CDH19: variants seen among roughly 807,000 people sequenced by gnomAD.
CDH19 encodes the protein cadherin 19.
CDH19 carries 67 observed loss-of-function variants against 64.2 expected under a neutral mutation model. The observed-to-expected ratio is 1.04, with a 90% CI of 0.86 to 1.28. The LOEUF is 1.28. Among genes scored for constraint, CDH19 ranks in the 50% most tolerant of loss-of-function variants. The pLI, the probability that CDH19 is intolerant of heterozygous loss-of-function variation, is 0.00. For missense variants in CDH19, 1,030 were observed against 929.0 expected, an observed-to-expected ratio of 1.11 and a Z score of -1.41; for synonymous variants, 346 against 319.3, an observed-to-expected ratio of 1.08 and a Z score of -0.89.
At chr18:66,581,120 A>G (rs987005336) in intron 1 of CDH19, among the ~76,000 whole-genome samples, 1 of 152,154 alleles carries the variant, frequency 6.6e-6, no homozygotes, top group African/African-American at 2.4e-5. Flanking sequence ...TTCAGTATGA[A>G]GAAATGCTAA....
chr18:66,538,978 C>CCA (rs1045574383), intron 7 of CDH19, among the ~76,000 whole-genome samples: 8 of 152,204 alleles, frequency 5.3e-5, no homozygotes, highest in African/African-American at 1.9e-4. Context: ...CTTAACAAGG[C>CCA]CACATTCGGG....
chr18:66,528,473 C>G (rs1040204085), intron 9 of CDH19, among the ~76,000 whole-genome samples: 1 of 152,234 alleles, frequency 6.6e-6, no homozygotes, highest in East Asian at 1.9e-4. Context: ...TTCCCAAATC[C>G]TTGGGTTCTA....
chr18:66,588,608 ATATATC>A lies in CDH19; in HGVS notation c.-113+15340_-113+15345del, dbSNP rs553829028. 3.7e-4 allele frequency among the ~76,000 whole-genome samples: 49 copies of A among 133,410 alleles called. 6 individuals carry two copies. The highest frequency in any genetic ancestry group is 8.9e-4 in the Admixed American group (12 of 13,524). The allele number at this position is 133,410 out of a possible 152,430, so 87.5% of individuals were successfully genotyped here. ...GATCTTACTCATTTTTACTAATCAT[ATATATC>A]TATATCTATATCTATATATATATAG... On this transcript the variant is annotated intron_variant, in intron 1 of 11. Coordinates refer to ENST00000262150, the MANE Select transcript of CDH19 (RefSeq NM_021153.4).
chr18:66,540,777 T>C (rs1035261507), intron 7 of CDH19, among the ~76,000 whole-genome samples: 1 of 152,198 alleles, frequency 6.6e-6, no homozygotes, highest in South Asian at 2.1e-4. Flanking sequence ...CACCTTGTAA[T>C]ACCATTTCAC....
At chr18:66,561,866 T>G (rs1301590796) in intron 3 of CDH19, among the ~76,000 whole-genome samples, 1 of 152,128 alleles carries the variant, frequency 6.6e-6, no homozygotes, top group Non-Finnish European at 1.5e-5. Flanking sequence ...TGTGGACAGT[T>G]GACATTGTTT....
chr18:66,590,390 T>C (rs1988707952), intron 1 of CDH19, among the ~76,000 whole-genome samples: 1 of 151,948 alleles, frequency 6.6e-6, no homozygotes, highest in African/African-American at 2.4e-5. Flanking sequence ...ACTGAGCATA[T>C]TGAAGTTAAG....
At chr18:66,576,705 T>G (rs2144592577) in intron 1 of CDH19, among the ~76,000 whole-genome samples, 1 of 151,644 alleles carries the variant, frequency 6.6e-6, no homozygotes, top group East Asian at 1.9e-4. Flanking sequence ...TTCATTTCTA[T>G]TCAACATTAT....
In CDH19 at chr18:66,502,680, A is replaced by C. The variant is rs1160452458; in HGVS notation, c.*2132T>G. ...TTCATGTCAATGTGATAGAAATGTAAATGTTCTCTCGATTTGTGCATTTCT... is the reference window on the plus strand; with the variant it reads ...TTCATGTCAATGTGATAGAAATGTACATGTTCTCTCGATTTGTGCATTTCT... On this transcript the variant is annotated 3_prime_UTR_variant, in exon 12 of 12. Transcript: ENST00000262150. 6.6e-6 allele frequency: 1 copy of C among 151,864 alleles called. No individual in the cohort carries two copies. Among genetic ancestry groups the C allele is most frequent in the East Asian group, 1.9e-4 (1 of 5,168 alleles). The allele number at this position is 151,864 out of a possible 1,614,324, so 9.4% of individuals were successfully genotyped here.
Position 66,528,973 on chromosome 18 carries a change from T to C in CDH19, c.1458+872A>G, listed in dbSNP as rs778844922. Among the ~76,000 whole-genome samples the C allele has an allele frequency of 5.2e-4, 79 of 152,112 alleles. 1 individual carries two copies. Among genetic ancestry groups the C allele is most frequent in the Non-Finnish European group, 9.4e-4 (64 of 67,884 alleles). On this transcript the variant is annotated intron_variant, in intron 9 of 11. Coordinates refer to ENST00000262150, the MANE Select transcript of CDH19 (RefSeq NM_021153.4). Reference sequence around the variant, plus strand: ...ACATTTTTTAAAGAAAAACAGCTTATGGTATTTAATAGTCTTCTGTGTGCT... The same window carrying C: ...ACATTTTTTAAAGAAAAACAGCTTACGGTATTTAATAGTCTTCTGTGTGCT...
intron 2 of CDH19, among the ~76,000 whole-genome samples, chr18:66,570,746 T>A (rs1345841092): frequency 6.6e-6 from 1 of 151,610 alleles, no homozygotes; most frequent in Non-Finnish European, 1.5e-5. Context: ...GCAAAACCAA[T>A]CACTGTGAGA....
At chr18:66,523,112 G>T (rs1370562607) in intron 9 of CDH19, among the ~76,000 whole-genome samples, 1 of 152,064 alleles carries the variant, frequency 6.6e-6, no homozygotes, top group Non-Finnish European at 1.5e-5. Flanking sequence ...TTTATTTACT[G>T]ACAATTCCAT....
chr18:66,528,470 A>T (rs1372195431), intron 9 of CDH19, among the ~76,000 whole-genome samples: 1 of 152,110 alleles, frequency 6.6e-6, no homozygotes, highest in African/African-American at 2.4e-5. Context: ...ACTTTCCCAA[A>T]TCCTTGGGTT....
intron 1 of CDH19, among the ~76,000 whole-genome samples, chr18:66,588,876 T>A (rs1186343228): frequency 1.3e-5 from 2 of 151,678 alleles, no homozygotes; most frequent in Non-Finnish European, 2.9e-5. Flanking sequence ...GAATCATACA[T>A]CCCAGGCTTC....
rs1400249038 is a variant in CDH19 at position 66,502,044 on chromosome 18, G to A, written c.*2768C>T. ...GCTGTGCTATTTTCATAAATATTTTGCATTAATTTAGAGTTTATTAAAATT... is the reference window on the plus strand; with the variant it reads ...GCTGTGCTATTTTCATAAATATTTTACATTAATTTAGAGTTTATTAAAATT... On this transcript the variant is annotated 3_prime_UTR_variant, in exon 12 of 12. Coordinates refer to ENST00000262150, the MANE Select transcript of CDH19 (RefSeq NM_021153.4). 1 of 151,966 alleles carries A rather than the reference G, an allele frequency of 6.6e-6. No homozygotes were observed. Among genetic ancestry groups the A allele is most frequent in the African/African-American group, 2.4e-5 (1 of 41,402 alleles). The allele number at this position is 151,966 out of a possible 1,614,324, so 9.4% of individuals were successfully genotyped here.
Position 66,520,941 on chromosome 18 carries a change from G to A in CDH19, c.1458+8904C>T, listed in dbSNP as rs548920071. Among the ~76,000 whole-genome samples the A allele has an allele frequency of 7.9e-5, 12 of 152,056 alleles. 1 individual carries two copies. In the South Asian group the frequency reaches 2.3e-3, roughly 29 times the overall value. On this transcript the variant is annotated intron_variant, in intron 9 of 11. Coordinates refer to ENST00000262150, the MANE Select transcript of CDH19 (RefSeq NM_021153.4). Reference sequence around the variant, plus strand: ...TATTAATCTAGGAGGTACTTTGAAAGATCACTTTTCTTTTTATTAGTTTTA... The same window carrying A: ...TATTAATCTAGGAGGTACTTTGAAAAATCACTTTTCTTTTTATTAGTTTTA...
At chr18:66,531,876 A>G (rs1239126035) in intron 8 of CDH19, among the ~76,000 whole-genome samples, 1 of 152,228 alleles carries the variant, frequency 6.6e-6, no homozygotes, top group Non-Finnish European at 1.5e-5. Context: ...TACTTAGTAC[A>G]TAACTGAACA....
In CDH19 at chr18:66,560,010, A is replaced by AT. The variant is rs1421403170; in HGVS notation, c.491-5487dup. On this transcript the variant is annotated intron_variant, in intron 3 of 11. Transcript: ENST00000262150. ...AACAAGGACCAAGTATGGTCCAGGCATTTTTTGTTTGTTTGTTTCTTTTGT... is the reference window on the plus strand; with the variant it reads ...AACAAGGACCAAGTATGGTCCAGGCATTTTTTTGTTTGTTTGTTTCTTTTGT... 5.9e-5 allele frequency among the ~76,000 whole-genome samples: 9 copies of AT among 152,046 alleles called. 1 individual carries two copies. In the South Asian group the frequency reaches 1.0e-3, roughly 18 times the overall value.
chr18:66,553,193 T>C (rs952524767), intron 4 of CDH19, among the ~76,000 whole-genome samples: 1 of 134,560 alleles, frequency 7.4e-6, no homozygotes, highest in Non-Finnish European at 1.5e-5. Flanking sequence ...GAAGAGTCCA[T>C]TATTATATCT....
chr18:66,569,882 T>A (rs141536421), intron 2 of CDH19, among the ~76,000 whole-genome samples: 25 of 151,812 alleles, frequency 1.6e-4, no homozygotes, highest in Non-Finnish European at 1.3e-4. Flanking sequence ...ATGGCTTAAG[T>A]TATAATTTCT....
Sources: allele counts gnomAD v4.1 joint callset (sites outside exome capture counted in the v4.1 genomes callset), GRCh38; gene constraint gnomAD v4.1.1; transcripts MANE v1.5; gene names NCBI Gene and HGNC (gene_info 2026-07-23, HGNC 2026-07-21).